RANBP2: variants seen among roughly 807,000 people sequenced by gnomAD.
RANBP2 encodes E3 SUMO-protein ligase RanBP2.
A neutral mutation model predicts 303.6 loss-of-function variants in RANBP2; 57 were observed. The ratio of observed to expected loss-of-function variants is 0.19; its 90% CI spans 0.15 to 0.23. The LOEUF (loss-of-function observed/expected upper bound fraction) is 0.23. Among genes scored for constraint, RANBP2 ranks in the 10% least tolerant of loss-of-function variants. RANBP2 has a pLI of 1.00. For missense variants in RANBP2, 3,138 were observed against 3,780.8 expected, an observed-to-expected ratio of 0.83 and a Z score of 4.46; for synonymous variants, 1,167 against 1,301.5, an observed-to-expected ratio of 0.90 and a Z score of 2.23.
chr2:109,284,642 G>T, the RANBP2 span, among the ~76,000 whole-genome samples: 1 of 152,258 alleles, frequency 6.6e-6, no homozygotes, highest in African/African-American at 2.4e-5. Flanking sequence ...CATTGCCAAT[G>T]TCATGGGTTA....
chr2:109,159,039 C>A, the RANBP2 span, among the ~76,000 whole-genome samples: 1 of 152,214 alleles, frequency 6.6e-6, no homozygotes, highest in Admixed American at 6.5e-5. Flanking sequence ...ATTGGTTGAA[C>A]CCAGGAGGCA....
the RANBP2 span, among the ~76,000 whole-genome samples, chr2:109,165,814 C>T: frequency 1.3e-5 from 2 of 152,138 alleles, no homozygotes; most frequent in Admixed American, 6.5e-5. Flanking sequence ...GAGTTTATTT[C>T]AGCACATTTC....
chr2:109,569,584 T>C, the RANBP2 span, among the ~76,000 whole-genome samples: 3 of 152,148 alleles, frequency 2.0e-5, no homozygotes, highest in African/African-American at 4.8e-5. Flanking sequence ...GTCTATGAAA[T>C]TGATGGCAGA....
chr2:109,046,076 G>A, the RANBP2 span, among the ~76,000 whole-genome samples: 2 of 151,938 alleles, frequency 1.3e-5, no homozygotes, highest in East Asian at 2.0e-4. Flanking sequence ...AGGCCGAGGT[G>A]GGCAGATCAC....
the RANBP2 span, among the ~76,000 whole-genome samples, chr2:109,261,192 A>C: frequency 1.3e-5 from 2 of 152,080 alleles, no homozygotes; most frequent in South Asian, 2.1e-4. Context: ...AGGTATGGTC[A>C]GGGCCCTTTG....
chr2:109,236,861 G>A, the RANBP2 span, among the ~76,000 whole-genome samples: 11 of 152,318 alleles, frequency 7.2e-5, no homozygotes, highest in Admixed American at 4.6e-4. Flanking sequence ...CTCCGGCTGT[G>A]AAACGCTGCA....
Position 108,753,885 on chromosome 2 carries a change from G to A in RANBP2, c.2116G>A (p.Glu706Lys). 1 of 1,611,964 alleles carries A rather than the reference G, an allele frequency of 6.2e-7. No homozygotes were observed. The highest frequency in any genetic ancestry group is 1.7e-5 in the Admixed American group (1 of 60,018). ...TGCCCTTTCTCCTGAAGAACAAGAA[G>A]AATGCAAAAATTATCTGAGAAAGAC... ...NDALSPEEQE[E>K]CKNYLRKTRD... The change falls in exon 15 of 29, where the codon GAA (glutamate) becomes AAA (lysine). Residue 706 changes from glutamate to lysine, a missense_variant. Glu to Lys is a moderately conservative substitution (Grantham distance 56). Around this residue, in one of 20 missense-constraint regions of RANBP2, gnomAD observed 194 missense variants for 197.4 expected, o/e 0.98. Coordinates refer to ENST00000283195, the MANE Select transcript of RANBP2 (RefSeq NM_006267.5).
At chr2:109,593,079 G>T in the RANBP2 span, 16 of 1,600,916 alleles carry the variant, frequency 1.0e-5, no homozygotes, top group South Asian at 1.8e-4. Flanking sequence ...TCCTTGTGAA[G>T]ACATACAAGT....
chr2:108,929,991 G>A, the RANBP2 span: 1 of 1,152,950 alleles, frequency 8.7e-7, no homozygotes, highest in Non-Finnish European at 1.2e-6. Flanking sequence ...AACGTCCAGG[G>A]AGCGTGACCG....
chr2:108,771,638 T>G lies in RANBP2; in HGVS notation c.7850-63T>G, dbSNP rs374209602. On this transcript the variant is annotated intron_variant, in intron 20 of 28. Coordinates refer to ENST00000283195, the MANE Select transcript of RANBP2 (RefSeq NM_006267.5). Reference sequence around the variant, plus strand: ...TAGGTTCCATGGTTTTTATTTTCAGTTAGAGTATTAACGTCAATACTTAAT... The same window carrying G: ...TAGGTTCCATGGTTTTTATTTTCAGGTAGAGTATTAACGTCAATACTTAAT... The G allele has an allele frequency of 2.1e-4, 341 of 1,595,548 alleles. 2 individuals are homozygous for G. The East Asian group carries it at 3.3e-3, about 15-fold the overall frequency.
At chr2:109,168,790 A>G in the RANBP2 span, among the ~76,000 whole-genome samples, 1 of 152,208 alleles carries the variant, frequency 6.6e-6, no homozygotes, top group Non-Finnish European at 1.5e-5. Flanking sequence ...TTAAGCCTGA[A>G]CAGTAGATCT....
the RANBP2 span, among the ~76,000 whole-genome samples, chr2:108,943,323 GCTTT>G: frequency 2.0e-5 from 3 of 152,184 alleles, no homozygotes; most frequent in Non-Finnish European, 4.4e-5. Flanking sequence ...CAGAGGGGAG[GCTTT>G]CTATCCCTCA....
chr2:109,243,663 G>C, the RANBP2 span, among the ~76,000 whole-genome samples: 1 of 152,112 alleles, frequency 6.6e-6, no homozygotes, highest in African/African-American at 2.4e-5. Flanking sequence ...TGGTGAGAAG[G>C]GGCCAGGGAG....
the RANBP2 span, among the ~76,000 whole-genome samples, chr2:109,472,521 G>A: frequency 6.6e-6 from 1 of 152,196 alleles, no homozygotes; most frequent in Non-Finnish European, 1.5e-5. Flanking sequence ...TTTGATTTAC[G>A]GTTGCTGCCT....
chr2:108,821,214 C>T, the RANBP2 span, among the ~76,000 whole-genome samples: 1 of 152,024 alleles, frequency 6.6e-6, no homozygotes, highest in East Asian at 1.9e-4. Context: ...AAAAATTAGC[C>T]AGGCATGGTC....
At chr2:109,318,100 C>CAAAAA in the RANBP2 span, among the ~76,000 whole-genome samples, 10 of 134,588 alleles carry the variant, frequency 7.4e-5, no homozygotes, top group African/African-American at 2.7e-4. Flanking sequence ...TTTCAGTACG[C>CAAAAA]AAAAAAAAAA....
chr2:109,671,816 T>C, the RANBP2 span, among the ~76,000 whole-genome samples: 4 of 152,200 alleles, frequency 2.6e-5, no homozygotes, highest in Non-Finnish European at 5.9e-5. Context: ...TGTTTTTTTG[T>C]TGATGGTCTT....
the RANBP2 span, chr2:109,419,761 T>G: frequency 3.7e-5 from 33 of 893,976 alleles, no homozygotes; most frequent in Non-Finnish European, 4.5e-5. Context: ...TTGGCCAGTA[T>G]AGTTATGTGC....
At chr2:109,257,961 A>G in the RANBP2 span, among the ~76,000 whole-genome samples, 28 of 151,594 alleles carry the variant, frequency 1.8e-4, no homozygotes, top group Admixed American at 8.6e-4. Flanking sequence ...TCACCATTCT[A>G]GCATTTCTTT....
Sources: allele counts gnomAD v4.1 joint callset (sites outside exome capture counted in the v4.1 genomes callset), GRCh38; gene constraint gnomAD v4.1.1; regional missense constraint gnomAD v4.1.1; transcripts MANE v1.5; gene names NCBI Gene and HGNC (gene_info 2026-07-23, HGNC 2026-07-21).